Variants in GINS3 observed in about 807,000 individuals in gnomAD.
GINS3 encodes the protein GINS complex subunit 3.
A neutral mutation model predicts 20.0 loss-of-function variants in GINS3; 18 were observed. The ratio of observed to expected loss-of-function variants is 0.90; its 90% CI spans 0.62 to 1.33. The LOEUF (loss-of-function observed/expected upper bound fraction) is 1.33, where lower values mean the gene tolerates loss of function less well. GINS3 is among the 40% of genes most tolerant of loss of function. The pLI, the probability that GINS3 is intolerant of heterozygous loss-of-function variation, is 0.00. For synonymous variants in GINS3, 109 were observed against 107.0 expected (o/e 1.02, Z -0.12); for missense variants, 254 against 273.6 (o/e 0.93, Z 0.51).
intron 1 of GINS3, among the ~76,000 whole-genome samples, chr16:58,398,549 G>T (rs1229717753): frequency 6.6e-6 from 1 of 152,152 alleles, no homozygotes; most frequent in Non-Finnish European, 1.5e-5. Context: ...GGTCAGTACT[G>T]CAGTGAGCCG....
At chr16:58,395,695 G>C (rs1965843972) in intron 1 of GINS3, among the ~76,000 whole-genome samples, 1 of 152,154 alleles carries the variant, frequency 6.6e-6, no homozygotes, top group Admixed American at 6.5e-5. Flanking sequence ...ATTTTTCTTA[G>C]TACAGAACAA....
chr16:58,398,525 C>G (rs1460389242), intron 1 of GINS3, among the ~76,000 whole-genome samples: 1 of 152,166 alleles, frequency 6.6e-6, no homozygotes, highest in Non-Finnish European at 1.5e-5. Flanking sequence ...AAGAGGATCA[C>G]TTAAGCCTTG....
chr16:58,400,763 C>T (rs1471190994), intron 1 of GINS3, among the ~76,000 whole-genome samples: 1 of 150,944 alleles, frequency 6.6e-6, no homozygotes, highest in African/African-American at 2.4e-5. Context: ...AAAAAAATTC[C>T]ATTTCCATTG....
At chr16:58,397,785 A>G (rs953701195) in intron 1 of GINS3, among the ~76,000 whole-genome samples, 2 of 151,794 alleles carry the variant, frequency 1.3e-5, no homozygotes, top group Non-Finnish European at 2.9e-5. Flanking sequence ...TCGGCATCAG[A>G]GGGAGACCGT....
intron 1 of GINS3, among the ~76,000 whole-genome samples, chr16:58,402,515 A>G (rs1351076353): frequency 6.6e-6 from 1 of 151,986 alleles, no homozygotes; most frequent in East Asian, 1.9e-4. Flanking sequence ...TTTGCCTTTG[A>G]TTTTTTTGGA....
intron 1 of GINS3, among the ~76,000 whole-genome samples, chr16:58,397,283 C>T (rs1350006170): frequency 6.8e-6 from 1 of 147,554 alleles, no homozygotes; most frequent in Admixed American, 6.8e-5. Flanking sequence ...ACATCTCAGA[C>T]GATGGGCGGC....
intron 1 of GINS3, among the ~76,000 whole-genome samples, chr16:58,396,160 G>A (rs1965853649): frequency 7.5e-6 from 1 of 132,734 alleles, no homozygotes; most frequent in Non-Finnish European, 1.6e-5. Flanking sequence ...CTCCCTCTTG[G>A]ACGGGGCGGC....
chr16:58,402,611 T>C (rs1197601337), intron 1 of GINS3, among the ~76,000 whole-genome samples: 1 of 152,164 alleles, frequency 6.6e-6, no homozygotes, highest in African/African-American at 2.4e-5. Context: ...TAGAGACATG[T>C]GTGCTGTCAT....
At chr16:58,404,457 T>C in intron 2 of GINS3, 42 bp from the exon 3 acceptor site, 1 of 1,265,414 alleles carries the variant, frequency 7.9e-7, no homozygotes. Context: ...CTTTGTGGGG[T>C]GTGAGGTCAA....
intron 1 of GINS3, chr16:58,395,082 T>C: frequency 1.8e-6 from 1 of 571,284 alleles, no homozygotes; most frequent in Non-Finnish European, 3.0e-6. Context: ...TCTAATTTTT[T>C]TTTTTTTTTT....
chr16:58,400,616 A>G (rs180931724), intron 1 of GINS3, among the ~76,000 whole-genome samples: 107 of 152,332 alleles, frequency 7.0e-4, no homozygotes, highest in Admixed American at 2.1e-3. Flanking sequence ...TTGCTAAGAT[A>G]GCAGCCTCAG....
chr16:58,393,327 C>T (rs1403633056), intron 1 of GINS3, among the ~76,000 whole-genome samples: 1 of 152,100 alleles, frequency 6.6e-6, no homozygotes. Context: ...CCTTCAGCAA[C>T]CAGAAAGGCT....
At chr16:58,395,337 AT>A (rs71155263) in intron 1 of GINS3, 11,283 of 166,794 alleles carry the variant, frequency 0.068, 533 homozygotes, top group African/African-American at 0.17. Context: ...ATATATATAT[AT>A]TTTTTTTTTA....
In GINS3 at chr16:58,392,508, C is replaced by T. The variant is rs1965790405; in HGVS notation, c.-94C>T. ...ATCCACTTTCCTGACCCCAACCATCCTGCCCAGTCTCCGCTTCCCCGTCTT... is the reference window on the plus strand; with the variant it reads ...ATCCACTTTCCTGACCCCAACCATCTTGCCCAGTCTCCGCTTCCCCGTCTT... On this transcript the variant is annotated 5_prime_UTR_variant, in exon 1 of 3. Coordinates refer to ENST00000318129, the MANE Select transcript of GINS3 (RefSeq NM_022770.4). The T allele has an allele frequency of 8.6e-6, 12 of 1,392,882 alleles. No individual in the cohort carries two copies. In the Admixed American group the frequency reaches 1.8e-4, roughly 20 times the overall value. 86.3% of individuals were successfully genotyped at this position (1,392,882 alleles called of 1,614,324 possible). A position where few individuals can be genotyped will look rare whatever the true frequency, so the allele number is the denominator to read the frequency against.
At chr16:58,392,864 CG>C in intron 1 of GINS3, 77 bp downstream of exon 1, 2 of 1,387,570 alleles carry the variant, frequency 1.4e-6, no homozygotes, top group East Asian at 2.5e-5. Flanking sequence ...GACGCCGCAT[CG>C]GGGCGCGCTG....
chr16:58,398,436 C>T (rs1320756755), intron 1 of GINS3, among the ~76,000 whole-genome samples: 8 of 151,954 alleles, frequency 5.3e-5, no homozygotes, highest in Admixed American at 2.0e-4. Flanking sequence ...AGTGAGTCCC[C>T]ATCTCTACAA....
chr16:58,402,329 A>C (rs1304119029), intron 1 of GINS3, among the ~76,000 whole-genome samples: 1 of 151,978 alleles, frequency 6.6e-6, no homozygotes, highest in African/African-American at 2.4e-5. Context: ...TCTTTCTCAG[A>C]TCTTAGGCCC....
chr16:58,397,614 G>A (rs931680916), intron 1 of GINS3, among the ~76,000 whole-genome samples: 9 of 152,254 alleles, frequency 5.9e-5, no homozygotes, highest in African/African-American at 1.9e-4. Flanking sequence ...AGACCAGCCC[G>A]GCCAACACAG....
At position 58,406,117 on chromosome 16, in the gene GINS3, C is replaced by T. The variant is rs896201707; in HGVS notation, c.*1388C>T. 27 of 48,904 alleles carry T rather than the reference C, an allele frequency of 5.5e-4. No homozygotes were observed. Among genetic ancestry groups the T allele is most frequent in the African/African-American group, 2.6e-3 (26 of 9,968 alleles). 3.0% of individuals were successfully genotyped at this position (48,904 alleles called of 1,614,324 possible). A position where few individuals can be genotyped will look rare whatever the true frequency, so the allele number is the denominator to read the frequency against. On this transcript the variant is annotated 3_prime_UTR_variant, in exon 3 of 3. Transcript: ENST00000318129. The stretch of plus-strand genomic sequence containing the variant: ...GAATTGTGTCTTTGATCATATTTGA[C>T]GGTAATACACAAATCCATGTTTTAG...
Sources: allele counts gnomAD v4.1 joint callset (sites outside exome capture counted in the v4.1 genomes callset), GRCh38; gene constraint gnomAD v4.1.1; transcripts MANE v1.5; gene names NCBI Gene and HGNC (gene_info 2026-07-23, HGNC 2026-07-21).